Variants in ODF4 observed in about 807,000 individuals in gnomAD.
The protein encoded by ODF4 is outer dense fiber protein 4.
In ODF4, 11 loss-of-function variants were observed where a neutral mutation model predicts 17.0. That is an observed-to-expected ratio of 0.65 (90% CI 0.41 to 1.07). The LOEUF is 1.07. Ranked by LOEUF, ODF4 falls within the 50% of genes least tolerant of loss-of-function variation. ODF4 has a pLI of 0.00. For missense variants in ODF4, 281 were observed against 310.2 expected, an observed-to-expected ratio of 0.91 and a Z score of 0.71; for synonymous variants, 127 against 121.8, an observed-to-expected ratio of 1.04 and a Z score of -0.28.
intron 1 of ODF4, among the ~76,000 whole-genome samples, 191 bp downstream of exon 1, chr17:8,340,696 G>C (rs1905976780): frequency 1.3e-5 from 2 of 152,026 alleles, no homozygotes; most frequent in South Asian, 4.1e-4. Context: ...GATTTGATTG[G>C]TGCAATGGAA....
intron 1 of ODF4, among the ~76,000 whole-genome samples, chr17:8,342,397 C>A (rs1403840190): frequency 1.3e-5 from 2 of 152,118 alleles, no homozygotes; most frequent in African/African-American, 4.8e-5. Flanking sequence ...CGCCCACCAC[C>A]ATGCCCAGCT....
Position 8,345,012 on chromosome 17 carries a change from G to A in ODF4, c.455-331G>A. ...CGCTGTTCAAAAATTGCCCTTTGTG[G>A]GCTTCGGGACCATCTTGAGCTTCTG... On this transcript the variant is annotated intron_variant, in intron 1 of 2. Coordinates refer to ENST00000328248, the MANE Select transcript of ODF4 (RefSeq NM_153007.5). The surrounding 1 kb of genome is among the most constrained non-coding windows in gnomAD (Gnocchi z 4.1). The A allele has an allele frequency of 2.1e-6, 2 of 946,304 alleles. No individual in the cohort carries two copies. Among genetic ancestry groups the A allele is most frequent in the Non-Finnish European group, 2.4e-6 (2 of 821,608 alleles). 58.6% of individuals were successfully genotyped at this position (946,304 alleles called of 1,614,324 possible).
chr17:8,345,536 A>G lies in ODF4; in HGVS notation c.589+59A>G. The stretch of plus-strand genomic sequence containing the variant: ...GACATGGGTAGGGTAGGGCAGGGAA[A>G]GTGTGGAGGGAAGAGGCTGGCAATC... On this transcript the variant is annotated intron_variant, in intron 2 of 2. Transcript: ENST00000328248. The surrounding 1 kb of genome is among the most constrained non-coding windows in gnomAD (Gnocchi z 4.1). 5 of 1,589,710 alleles carry G rather than the reference A, an allele frequency of 3.1e-6. No homozygotes were observed. In the South Asian group the frequency reaches 5.6e-5, roughly 18 times the overall value.
intron 1 of ODF4, among the ~76,000 whole-genome samples, chr17:8,342,519 C>T (rs796326591): frequency 1.5e-3 from 100 of 65,692 alleles, no homozygotes; most frequent in African/African-American, 7.8e-3. Flanking sequence ...CCTCGGCTCA[C>T]GGATTACAGG....
chr17:8,342,204 T>G (rs1906047499), intron 1 of ODF4, among the ~76,000 whole-genome samples: 1 of 152,154 alleles, frequency 6.6e-6, no homozygotes, highest in South Asian at 2.1e-4. Flanking sequence ...ATAGGCGCCT[T>G]GCTCTACGGA....
chr17:8,339,914 G>C lies in ODF4; in HGVS notation c.-138G>C, dbSNP rs1357860652. 1 of 535,012 alleles carries C rather than the reference G, an allele frequency of 1.9e-6. No homozygotes were observed. The highest frequency in any genetic ancestry group is 1.9e-5 in the African/African-American group (1 of 52,316). The allele number at this position is 535,012 out of a possible 1,614,324, so 33.1% of individuals were successfully genotyped here. ...GATCAAGAGTCTCTTATTTGATCGA[G>C]GTCTGTTATTAGACTTCCTCATTCT... On this transcript the variant is annotated 5_prime_UTR_variant, in exon 1 of 3. Transcript: ENST00000328248.
Position 8,345,217 on chromosome 17 carries a change from C to A in ODF4, c.455-126C>A. The A allele has an allele frequency of 1.1e-6, 1 of 938,016 alleles. No homozygotes were observed. Among genetic ancestry groups the A allele is most frequent in the Non-Finnish European group, 1.6e-6 (1 of 620,188 alleles). 58.1% of individuals were successfully genotyped at this position (938,016 alleles called of 1,614,324 possible). Reference sequence around the variant, plus strand: ...GAGGTAGAAATGCAGGGGTTGACTCCTGGAACCTCAGGGCCAGTCACTCTG... The same window carrying A: ...GAGGTAGAAATGCAGGGGTTGACTCATGGAACCTCAGGGCCAGTCACTCTG... On this transcript the variant is annotated intron_variant, in intron 1 of 2. Transcript: ENST00000328248. This position sits in a 1 kb window ranked among gnomAD's most constrained non-coding sequence, Gnocchi z 4.1.
intron 1 of ODF4, among the ~76,000 whole-genome samples, chr17:8,341,905 A>T (rs1394058242): frequency 6.6e-6 from 1 of 152,112 alleles, no homozygotes; most frequent in Non-Finnish European, 1.5e-5. Context: ...ATTATAATAA[A>T]TTTGGGGAAA....
chr17:8,346,016 G>A lies in ODF4; in HGVS notation c.*164G>A. On this transcript the variant is annotated 3_prime_UTR_variant, in exon 3 of 3. Transcript: ENST00000328248. ...CCTGCCTTGATTGAGCTTGAGTGATGTGGAATAAATTGTCCGTCTCTTCTT... is the reference window on the plus strand; with the variant it reads ...CCTGCCTTGATTGAGCTTGAGTGATATGGAATAAATTGTCCGTCTCTTCTT... The A allele has an allele frequency of 1.7e-6, 1 of 573,044 alleles. No homozygotes were observed. The highest frequency in any genetic ancestry group is 3.1e-6 in the Non-Finnish European group (1 of 325,644). The allele number at this position is 573,044 out of a possible 1,614,324, so 35.5% of individuals were successfully genotyped here.
intron 1 of ODF4, among the ~76,000 whole-genome samples, chr17:8,342,305 C>T (rs771675986): frequency 6.6e-6 from 1 of 152,072 alleles, no homozygotes; most frequent in Non-Finnish European, 1.5e-5. Context: ...AATGCAGTTG[C>T]GGTCTCAGGT....
At position 8,345,647 on chromosome 17, in the gene ODF4, C is replaced by T; in HGVS notation, c.590-21C>T. 1 of 1,610,522 alleles carries T rather than the reference C, an allele frequency of 6.2e-7. No individual in the cohort carries two copies. The highest frequency in any genetic ancestry group is 1.7e-5 in the Admixed American group (1 of 59,966). ...CCTCCCAGTCACAACTTTCCTCTCC[C>T]CTGTCCCTGTCCTTTCCCAGCGATC... On this transcript the variant is annotated intron_variant, in intron 2 of 2. Transcript: ENST00000328248. The surrounding 1 kb of genome is among the most constrained non-coding windows in gnomAD (Gnocchi z 4.1).
chr17:8,343,916 G>A (rs1906127722), intron 1 of ODF4, among the ~76,000 whole-genome samples: 1 of 121,140 alleles, frequency 8.3e-6, no homozygotes, highest in African/African-American at 3.5e-5. Flanking sequence ...CAGCTTCCCA[G>A]CAGCTGGGAT....
At chr17:8,341,698 C>A (rs1208705084) in intron 1 of ODF4, among the ~76,000 whole-genome samples, 1 of 151,978 alleles carries the variant, frequency 6.6e-6, no homozygotes, top group East Asian at 1.9e-4. Flanking sequence ...GTTCCCTCAC[C>A]CCTCAGGAAT....
intron 1 of ODF4, among the ~76,000 whole-genome samples, chr17:8,341,821 T>C (rs929408062): frequency 6.6e-6 from 1 of 152,188 alleles, no homozygotes; most frequent in African/African-American, 2.4e-5. Context: ...CTGAAAGTAT[T>C]ATGTCCTTAT....
intron 1 of ODF4, among the ~76,000 whole-genome samples, chr17:8,342,275 T>A (rs1218385075): frequency 6.6e-6 from 1 of 152,064 alleles, no homozygotes; most frequent in African/African-American, 2.4e-5. Flanking sequence ...GACAGAGTCT[T>A]GCTTTGTTGC....
At chr17:8,342,882 C>T (rs1906080785) in intron 1 of ODF4, among the ~76,000 whole-genome samples, 1 of 151,890 alleles carries the variant, frequency 6.6e-6, no homozygotes, top group Non-Finnish European at 1.5e-5. Context: ...ACAGATGCCA[C>T]CATGCCTGGC....
intron 1 of ODF4, among the ~76,000 whole-genome samples, chr17:8,341,119 G>T (rs1905994656): frequency 6.6e-6 from 1 of 152,046 alleles, no homozygotes; most frequent in East Asian, 1.9e-4. Flanking sequence ...GAACCCGGGA[G>T]GTGGAGGTTG....
chr17:8,343,215 C>T (rs1322658982), intron 1 of ODF4, among the ~76,000 whole-genome samples: 1 of 151,140 alleles, frequency 6.6e-6, no homozygotes, highest in Non-Finnish European at 1.5e-5. Flanking sequence ...CAGTGCAACC[C>T]CTGCTTCCTG....
rs1464021164 is a variant in ODF4, at chr17:8,345,731, C to T, written c.653C>T (p.Ala218Val). 1.2e-6 allele frequency: 2 copies of T among 1,613,962 alleles called. No homozygotes were observed. The highest frequency in any genetic ancestry group is 1.7e-6 in the Non-Finnish European group (2 of 1,179,960). The part of the protein sequence containing the change: ...WSLILSHPSG[A>V]VSCSSSFGSV... ...CTGATTCTGAGCCACCCCAGTGGTG[C>T]CGTGTCCTGCAGCAGCAGTTTCGGC... is the stretch of plus-strand genomic sequence containing the variant. The change falls in exon 3 of 3, where the codon GCC (alanine) becomes GTC (valine). Residue 218 changes from alanine (A) to valine (V), a missense_variant. Coordinates refer to ENST00000328248, the MANE Select transcript of ODF4 (RefSeq NM_153007.5). This position sits in a 1 kb window ranked among gnomAD's most constrained non-coding sequence, Gnocchi z 4.1.
Sources: gnomAD v4.1 joint callset for allele counts (sites outside exome capture counted in the v4.1 genomes callset) on GRCh38, gnomAD v4.1.1 for gene constraint, Gnocchi (gnomAD v3.1) non-coding constraint, MANE v1.5 for transcripts, NCBI Gene and HGNC (gene_info 2026-07-23, HGNC 2026-07-21) for gene names.